Variants in NETO1 observed in about 807,000 individuals in gnomAD.
NETO1 encodes neuropilin and tolloid-like protein 1.
A neutral mutation model predicts 61.3 loss-of-function variants in NETO1; 26 were observed. The ratio of observed to expected loss-of-function variants is 0.42; its 90% CI spans 0.31 to 0.59. The LOEUF (loss-of-function observed/expected upper bound fraction) is 0.59, where lower values mean the gene tolerates loss of function less well. NETO1 is among the 20% of genes least tolerant of loss of function. The pLI, the probability that NETO1 is intolerant of heterozygous loss-of-function variation, is 0.12. For synonymous variants in NETO1, 225 were observed against 225.8 expected, an observed-to-expected ratio of 1.00 and a Z score of 0.03; for missense variants, 531 against 662.8, an observed-to-expected ratio of 0.80 and a Z score of 2.18.
intron 4 of NETO1, among the ~76,000 whole-genome samples, chr18:72,796,742 G>A (rs2072326567): frequency 6.6e-6 from 1 of 151,998 alleles, no homozygotes; most frequent in African/African-American, 2.4e-5. Context: ...GGGATTACAG[G>A]CGTGAGCCAC....
intron 8 of NETO1, among the ~76,000 whole-genome samples, chr18:72,753,203 C>T (rs1177949313): frequency 6.6e-6 from 1 of 151,652 alleles, no homozygotes; most frequent in African/African-American, 2.4e-5. Context: ...GAGATCCACA[C>T]AAAGGCATAT....
chr18:72,865,781 G>T, intron 1 of NETO1: 1 of 1,256,510 alleles, frequency 8.0e-7, no homozygotes. Context: ...TGTGGATTGT[G>T]GGCATTAAGC....
intron 7 of NETO1, among the ~76,000 whole-genome samples, chr18:72,770,990 A>C (rs1257570552): frequency 6.6e-6 from 1 of 152,206 alleles, no homozygotes; most frequent in African/African-American, 2.4e-5. Context: ...GAAGTTAAAA[A>C]GGATTAAAGT....
chr18:72,857,325 C>T (rs2074437473), intron 4 of NETO1, among the ~76,000 whole-genome samples: 1 of 152,150 alleles, frequency 6.6e-6, no homozygotes, highest in Non-Finnish European at 1.5e-5. Context: ...AAGCAAAGAA[C>T]AAAACCCAGG....
At chr18:72,816,901 A>T (rs1217416415) in intron 4 of NETO1, among the ~76,000 whole-genome samples, 3 of 152,202 alleles carry the variant, frequency 2.0e-5, no homozygotes, top group Non-Finnish European at 4.4e-5. Context: ...GATGATGGCT[A>T]CAAGACTCTA....
chr18:72,785,639 T>A (rs1036194973), intron 6 of NETO1, among the ~76,000 whole-genome samples: 5 of 152,214 alleles, frequency 3.3e-5, no homozygotes, highest in Non-Finnish European at 7.3e-5. Context: ...GCTGCACCCA[T>A]TAACTCGTCA....
At chr18:72,825,882 A>C (rs975150562) in intron 4 of NETO1, among the ~76,000 whole-genome samples, 2 of 152,190 alleles carry the variant, frequency 1.3e-5, no homozygotes, top group Non-Finnish European at 2.9e-5. Flanking sequence ...TGTGATTTAA[A>C]ACACTAGATT....
intron 4 of NETO1, among the ~76,000 whole-genome samples, chr18:72,827,759 A>G (rs1338299180): frequency 6.6e-6 from 1 of 151,804 alleles, no homozygotes; most frequent in East Asian, 1.9e-4. Context: ...AAAGGATTAC[A>G]GGAAATTGTC....
At chr18:72,866,844 C>A in intron 1 of NETO1, 1 of 993,738 alleles carries the variant, frequency 1.0e-6, no homozygotes. Context: ...TCTGCTACCT[C>A]CTGTACTGCG....
chr18:72,811,230 C>T (rs1224757749), intron 4 of NETO1, among the ~76,000 whole-genome samples: 2 of 152,174 alleles, frequency 1.3e-5, no homozygotes, highest in Non-Finnish European at 2.9e-5. Context: ...TGTGCCCACT[C>T]ACCCTAACGG....
intron 7 of NETO1, among the ~76,000 whole-genome samples, chr18:72,760,580 T>C (rs977264679): frequency 2.0e-5 from 3 of 152,224 alleles, no homozygotes; most frequent in Non-Finnish European, 4.4e-5. Flanking sequence ...CCTGGCCACC[T>C]GGTCTCTGAC....
At chr18:72,766,707 AATTACAT>A (rs1438397524) in intron 7 of NETO1, among the ~76,000 whole-genome samples, 1 of 152,132 alleles carries the variant, frequency 6.6e-6, no homozygotes, top group Non-Finnish European at 1.5e-5. Context: ...TTTGTGCAAA[AATTACAT>A]ATTCTTACTG....
At chr18:72,789,076 T>C (rs1188895673) in intron 6 of NETO1, among the ~76,000 whole-genome samples, 1 of 152,182 alleles carries the variant, frequency 6.6e-6, no homozygotes, top group Non-Finnish European at 1.5e-5. Context: ...CTGAATTTTC[T>C]ATTTTATTAT....
At chr18:72,832,687 A>G (rs2073620585) in intron 4 of NETO1, among the ~76,000 whole-genome samples, 1 of 152,178 alleles carries the variant, frequency 6.6e-6, no homozygotes, top group Non-Finnish European at 1.5e-5. Flanking sequence ...AACCCAATTT[A>G]TTCTGCCTGC....
chr18:72,856,747 AT>A (rs2074422102), intron 4 of NETO1, among the ~76,000 whole-genome samples: 1 of 152,170 alleles, frequency 6.6e-6, no homozygotes, highest in Admixed American at 6.5e-5. Flanking sequence ...GGTAGGCGGA[AT>A]TTCATCTCCA....
At chr18:72,834,300 T>C (rs1188120962) in intron 4 of NETO1, 1 of 853,306 alleles carries the variant, frequency 1.2e-6, no homozygotes, top group Non-Finnish European at 1.4e-6. Flanking sequence ...AAAAATTTCA[T>C]AAATGACAAA....
chr18:72,859,321 A>G (rs1390924984), intron 3 of NETO1, among the ~76,000 whole-genome samples: 1 of 152,192 alleles, frequency 6.6e-6, no homozygotes, highest in African/African-American at 2.4e-5. Context: ...GACCATTTTG[A>G]CGTTTTGCGC....
At chr18:72,773,994 G>T (rs893799921) in intron 7 of NETO1, among the ~76,000 whole-genome samples, 1 of 151,734 alleles carries the variant, frequency 6.6e-6, no homozygotes, top group African/African-American at 2.4e-5. Flanking sequence ...ATAGTCTTTT[G>T]TCACGAGTTA....
chr18:72,782,175 G>C (rs942307047), intron 7 of NETO1, among the ~76,000 whole-genome samples: 1 of 152,076 alleles, frequency 6.6e-6, no homozygotes, highest in African/African-American at 2.4e-5. Context: ...CAAAGTACAT[G>C]GTATCATTCT....
Sources: gnomAD v4.1 joint callset for allele counts (sites outside exome capture counted in the v4.1 genomes callset) on GRCh38, gnomAD v4.1.1 for gene constraint, MANE v1.5 for transcripts, NCBI Gene and HGNC (gene_info 2026-07-23, HGNC 2026-07-21) for gene names.